Variants in TMEM132D observed in about 807,000 individuals in gnomAD.
TMEM132D encodes the protein transmembrane protein 132D.
A neutral mutation model predicts 62.3 loss-of-function variants in TMEM132D; 21 were observed. The ratio of observed to expected loss-of-function variants is 0.34; its 90% CI spans 0.24 to 0.49. The LOEUF is 0.49. Among genes scored for constraint, TMEM132D ranks in the 20% least tolerant of loss-of-function variants. The pLI is 0.99. For synonymous variants in TMEM132D, 621 were observed against 575.6 expected, an observed-to-expected ratio of 1.08 and a Z score of -1.13; for missense variants, 1,346 against 1,402.8, an observed-to-expected ratio of 0.96 and a Z score of 0.65.
At chr12:129,256,426 A>G (rs557516615) in intron 4 of TMEM132D, among the ~76,000 whole-genome samples, 1 of 151,392 alleles carries the variant, frequency 6.6e-6, no homozygotes, top group African/African-American at 2.4e-5. Context: ...AAATCCATTT[A>G]TTTATTTATT....
chr12:129,491,502 A>C (rs1033367529), intron 3 of TMEM132D, among the ~76,000 whole-genome samples: 1 of 152,168 alleles, frequency 6.6e-6, no homozygotes, highest in African/African-American at 2.4e-5. Context: ...TGTGCCAACC[A>C]GCTTCCCCCG....
intron 4 of TMEM132D, among the ~76,000 whole-genome samples, chr12:129,284,221 C>T (rs1189852962): frequency 6.6e-6 from 1 of 152,208 alleles, no homozygotes; most frequent in Non-Finnish European, 1.5e-5. Flanking sequence ...TCACAGCTGG[C>T]AGCCAGCAGC....
intron 3 of TMEM132D, among the ~76,000 whole-genome samples, chr12:129,464,046 CCA>C (rs1257923422): frequency 2.0e-5 from 3 of 150,818 alleles, no homozygotes; most frequent in East Asian, 3.9e-4. Context: ...TGAGGAATCG[CCA>C]CACTGACTTC....
chr12:129,819,999 G>A (rs969786214), intron 1 of TMEM132D, among the ~76,000 whole-genome samples: 30 of 152,038 alleles, frequency 2.0e-4, no homozygotes, highest in Non-Finnish European at 3.8e-4. Context: ...TGGCAGCTGA[G>A]GTTTCTCTCA....
intron 4 of TMEM132D, among the ~76,000 whole-genome samples, chr12:129,240,274 G>T (rs528407264): frequency 3.3e-5 from 5 of 152,036 alleles, no homozygotes; most frequent in African/African-American, 1.2e-4. Flanking sequence ...CTTTTATGCC[G>T]CTGGATACCT....
chr12:129,838,274 C>A (rs1873068543), intron 1 of TMEM132D, among the ~76,000 whole-genome samples: 1 of 152,136 alleles, frequency 6.6e-6, no homozygotes, highest in African/African-American at 2.4e-5. Flanking sequence ...AAAGGACTGC[C>A]CAAGGTATGC....
intron 1 of TMEM132D, among the ~76,000 whole-genome samples, chr12:129,890,340 T>C (rs151181771): frequency 1.2e-4 from 19 of 152,224 alleles, no homozygotes; most frequent in Admixed American, 1.0e-3. Context: ...TTACGGGTAG[T>C]CCTGCCGGGC....
At chr12:129,768,105 G>T (rs547246634) in intron 1 of TMEM132D, among the ~76,000 whole-genome samples, 2 of 152,104 alleles carry the variant, frequency 1.3e-5, no homozygotes, top group Non-Finnish European at 2.9e-5. Flanking sequence ...AGAATTGTGG[G>T]AGCTATAGTT....
chr12:129,851,298 A>C (rs1349551490), intron 1 of TMEM132D, among the ~76,000 whole-genome samples: 1 of 152,218 alleles, frequency 6.6e-6, no homozygotes, highest in Non-Finnish European at 1.5e-5. Context: ...CTTGCTTTTC[A>C]CATTTAGAAT....
intron 1 of TMEM132D, among the ~76,000 whole-genome samples, chr12:129,817,648 T>C (rs1872389131): frequency 7.6e-6 from 1 of 131,386 alleles, no homozygotes; most frequent in Admixed American, 7.9e-5. Flanking sequence ...GGGGTGTGTC[T>C]GTAATATGGG....
intron 5 of TMEM132D, among the ~76,000 whole-genome samples, chr12:129,186,659 T>C (rs1878230320): frequency 1.3e-5 from 2 of 152,190 alleles, no homozygotes; most frequent in African/African-American, 4.8e-5. Context: ...TCCTCATCTG[T>C]AACACAGAAC....
intron 2 of TMEM132D, among the ~76,000 whole-genome samples, chr12:129,535,770 T>TTG (rs112963742): frequency 0.48 from 58,912 of 122,714 alleles, 11,859 homozygotes; most frequent in South Asian, 0.56. Context: ...CATTTAAGAT[T>TTG]TGTGTGCGTG....
At chr12:129,387,981 A>C (rs1477040959) in intron 3 of TMEM132D, among the ~76,000 whole-genome samples, 2 of 81,560 alleles carry the variant, frequency 2.5e-5, no homozygotes, top group Admixed American at 1.1e-4. Flanking sequence ...CACTAACACG[A>C]ATCCTAATAT....
Position 129,882,273 on chromosome 12 carries a change from C to A in TMEM132D, c.79+20988G>T, listed in dbSNP as rs548848867. On this transcript the variant is annotated intron_variant, in intron 1 of 8. Coordinates refer to ENST00000422113, the MANE Select transcript of TMEM132D (RefSeq NM_133448.3). ...AATACTCCTCATCTCTTTTACGAAG[C>A]CCGTAGTACCCTAACACCAAAAGTA... Among the ~76,000 whole-genome samples, 55 of 152,134 alleles carry A rather than the reference C, an allele frequency of 3.6e-4. 1 individual carries two copies. The highest frequency in any genetic ancestry group is 3.1e-3 in the Admixed American group (48 of 15,286).
chr12:129,568,439 C>T (rs532603137), intron 2 of TMEM132D, among the ~76,000 whole-genome samples: 10 of 152,162 alleles, frequency 6.6e-5, no homozygotes, highest in Non-Finnish European at 2.9e-5. Context: ...TACTAAGAAA[C>T]CATTGTTTTA....
At chr12:129,170,767 C>T (rs1877698137) in intron 5 of TMEM132D, among the ~76,000 whole-genome samples, 1 of 151,490 alleles carries the variant, frequency 6.6e-6, no homozygotes, top group African/African-American at 2.4e-5. Context: ...GAGATTGCAC[C>T]ACTGCCCTCC....
intron 2 of TMEM132D, among the ~76,000 whole-genome samples, chr12:129,697,451 TC>T (rs1401222510): frequency 1.3e-5 from 2 of 152,176 alleles, no homozygotes; most frequent in Non-Finnish European, 2.9e-5. Flanking sequence ...ATGAGACTCA[TC>T]CATAATCAGA....
intron 2 of TMEM132D, among the ~76,000 whole-genome samples, chr12:129,552,489 C>T (rs535336428): frequency 6.6e-6 from 1 of 152,056 alleles, no homozygotes; most frequent in Admixed American, 6.6e-5. Context: ...TATCTCTCTA[C>T]ATTATCATCT....
At chr12:129,564,063 G>T (rs1210217211) in intron 2 of TMEM132D, among the ~76,000 whole-genome samples, 1 of 151,690 alleles carries the variant, frequency 6.6e-6, no homozygotes, top group Non-Finnish European at 1.5e-5. Flanking sequence ...ACGTTTCAGG[G>T]TATTTTCATT....
Sources: allele counts gnomAD v4.1 joint callset (sites outside exome capture counted in the v4.1 genomes callset), GRCh38; gene constraint gnomAD v4.1.1; transcripts MANE v1.5; gene names NCBI Gene and HGNC (gene_info 2026-07-23, HGNC 2026-07-21).